ZNF804B: variants seen among roughly 807,000 people sequenced by gnomAD.
The protein encoded by ZNF804B is zinc finger 804B.
A neutral mutation model predicts 101.4 loss-of-function variants in ZNF804B; 80 were observed. The ratio of observed to expected loss-of-function variants is 0.79; its 90% CI spans 0.66 to 0.95. The LOEUF (loss-of-function observed/expected upper bound fraction) is 0.95, where lower values mean the gene tolerates loss of function less well. Ranked by LOEUF, ZNF804B falls within the 40% of genes least tolerant of loss-of-function variation. ZNF804B has a pLI of 0.00. For missense variants in ZNF804B, 1,673 were observed against 1,561.9 expected (o/e 1.07, Z -1.20); for synonymous variants, 622 against 558.8 (o/e 1.11, Z -1.59).
At chr7:89,042,810 G>A in intron 1 of ZNF804B, among the ~76,000 whole-genome samples, 1 of 151,996 alleles carries the variant, frequency 6.6e-6, no homozygotes, top group East Asian at 1.9e-4. Flanking sequence ...CTGTTTCTTA[G>A]GCAAAAATAG....
At position 88,768,930 on chromosome 7, in the gene ZNF804B, C is replaced by G. The variant is rs982057542; in HGVS notation, c.108+8846C>G. Among the ~76,000 whole-genome samples, 8 of 152,292 alleles carry G rather than the reference C, an allele frequency of 5.3e-5. No individual in the cohort carries two copies. In the South Asian group the frequency reaches 1.0e-3, roughly 20 times the overall value. On this transcript the variant is annotated intron_variant, in intron 1 of 3. Transcript: ENST00000333190. ...ATTGACTAGTAATTTTATAACTTCTCTTAACTTCAGTTTTAACTTCTTCAC... is the reference window on the plus strand; with the variant it reads ...ATTGACTAGTAATTTTATAACTTCTGTTAACTTCAGTTTTAACTTCTTCAC...
intron 1 of ZNF804B, among the ~76,000 whole-genome samples, chr7:88,988,603 AAC>A (rs1279046830): frequency 6.6e-6 from 1 of 152,138 alleles, no homozygotes; most frequent in Non-Finnish European, 1.5e-5. Context: ...GATTATGTCT[AAC>A]ACAAAGAATT....
At chr7:89,258,190 A>G (rs954020570) in intron 2 of ZNF804B, among the ~76,000 whole-genome samples, 1 of 152,152 alleles carries the variant, frequency 6.6e-6, no homozygotes, top group Admixed American at 6.6e-5. Context: ...GAGATGATTT[A>G]AAGTATACTA....
chr7:89,323,592 T>C (rs1234070700), intron 2 of ZNF804B, among the ~76,000 whole-genome samples: 1 of 152,162 alleles, frequency 6.6e-6, no homozygotes, highest in African/African-American at 2.4e-5. Flanking sequence ...TAGTTTTCTT[T>C]ACTATATGGC....
At chr7:88,959,880 A>G (rs573710100) in intron 1 of ZNF804B, among the ~76,000 whole-genome samples, 1 of 151,518 alleles carries the variant, frequency 6.6e-6, no homozygotes, top group Admixed American at 6.6e-5. Context: ...TGCTCCTTCT[A>G]TGGCCCCAGT....
chr7:88,884,975 C>G (rs1252294594), intron 1 of ZNF804B, among the ~76,000 whole-genome samples: 1 of 151,842 alleles, frequency 6.6e-6, no homozygotes, highest in Non-Finnish European at 1.5e-5. Context: ...TCTCTCAATG[C>G]TTTTCCACTT....
chr7:88,955,198 T>G (rs1584037278), intron 1 of ZNF804B, among the ~76,000 whole-genome samples: 1 of 151,722 alleles, frequency 6.6e-6, no homozygotes, highest in East Asian at 2.0e-4. Flanking sequence ...TGCAATATAT[T>G]TTCCATGAGG....
chr7:88,943,848 G>T (rs1793090256), intron 1 of ZNF804B, among the ~76,000 whole-genome samples: 1 of 151,892 alleles, frequency 6.6e-6, no homozygotes, highest in South Asian at 2.1e-4. Context: ...TCTTTTAAAA[G>T]AAAATTTAAA....
intron 2 of ZNF804B, among the ~76,000 whole-genome samples, chr7:89,255,378 A>G (rs1368399227): frequency 6.6e-6 from 1 of 152,172 alleles, no homozygotes; most frequent in Non-Finnish European, 1.5e-5. Flanking sequence ...ACCATATTAT[A>G]GTGATTAAAA....
intron 2 of ZNF804B, among the ~76,000 whole-genome samples, chr7:89,270,332 T>G (rs1036051775): frequency 1.3e-5 from 2 of 152,136 alleles, no homozygotes; most frequent in Non-Finnish European, 2.9e-5. Context: ...AATCCTTTCC[T>G]CATTTCTTGT....
intron 1 of ZNF804B, among the ~76,000 whole-genome samples, chr7:88,859,407 G>A (rs1526254): frequency 0.17 from 26,313 of 151,870 alleles, 2,354 homozygotes; most frequent in African/African-American, 0.24. Flanking sequence ...TTCTCTAAAT[G>A]GTAATTTTAT....
intron 1 of ZNF804B, among the ~76,000 whole-genome samples, chr7:88,809,676 C>T (rs1033862507): frequency 5.3e-5 from 8 of 152,162 alleles, no homozygotes; most frequent in African/African-American, 1.9e-4. Context: ...TTTTTTTATG[C>T]ATAACAGCTT....
At chr7:88,859,076 CTCTG>C (rs907537331) in intron 1 of ZNF804B, among the ~76,000 whole-genome samples, 5 of 151,806 alleles carry the variant, frequency 3.3e-5, no homozygotes, top group Non-Finnish European at 7.4e-5. Context: ...ATCATTGGAC[CTCTG>C]TCTAATGAGC....
intron 1 of ZNF804B, among the ~76,000 whole-genome samples, chr7:89,086,288 G>A (rs539346298): frequency 6.6e-6 from 1 of 152,056 alleles, no homozygotes; most frequent in East Asian, 1.9e-4. Context: ...TATGCATTTC[G>A]TGATGCAGAA....
chr7:89,255,605 A>C (rs1789617463), intron 2 of ZNF804B, among the ~76,000 whole-genome samples: 1 of 152,208 alleles, frequency 6.6e-6, no homozygotes, highest in Non-Finnish European at 1.5e-5. Context: ...TACTGTACAC[A>C]AATAAATATC....
At chr7:89,013,409 G>C (rs1465913134) in intron 1 of ZNF804B, among the ~76,000 whole-genome samples, 1 of 152,118 alleles carries the variant, frequency 6.6e-6, no homozygotes, top group Non-Finnish European at 1.5e-5. Flanking sequence ...GCCTGATGGT[G>C]GAAAGGTAAC....
intron 1 of ZNF804B, among the ~76,000 whole-genome samples, chr7:88,869,939 A>T (rs995829897): frequency 6.6e-6 from 1 of 152,202 alleles, no homozygotes; most frequent in African/African-American, 2.4e-5. Context: ...TAGTAAAACC[A>T]GCCTAGCAAT....
intron 1 of ZNF804B, among the ~76,000 whole-genome samples, chr7:88,895,425 G>T (rs1460577921): frequency 6.6e-6 from 1 of 152,176 alleles, no homozygotes. Flanking sequence ...GATACTGATA[G>T]ATATACCTAG....
intron 1 of ZNF804B, among the ~76,000 whole-genome samples, chr7:89,066,462 C>T (rs1326148923): frequency 1.3e-5 from 2 of 152,160 alleles, no homozygotes; most frequent in African/African-American, 4.8e-5. Flanking sequence ...GAAAACAAGT[C>T]TGTAGAAAAT....
Sources: allele counts gnomAD v4.1 joint callset (sites outside exome capture counted in the v4.1 genomes callset), GRCh38; gene constraint gnomAD v4.1.1; transcripts MANE v1.5; gene names NCBI Gene and HGNC (gene_info 2026-07-23, HGNC 2026-07-21).